Variants in VEGFC observed in about 807,000 individuals in gnomAD.
The protein encoded by VEGFC is vascular endothelial growth factor C.
A neutral mutation model predicts 46.1 loss-of-function variants in VEGFC; 12 were observed. The ratio of observed to expected loss-of-function variants is 0.26; its 90% CI spans 0.17 to 0.42. VEGFC has a LOEUF of 0.42. VEGFC is among the 10% of genes least tolerant of loss of function. The pLI is 1.00. For missense variants in VEGFC, 488 were observed against 529.4 expected (o/e 0.92, Z 0.77); for synonymous variants, 232 against 195.5 (o/e 1.19, Z -1.56).
chr4:176,700,553 A>G (rs1217981427), intron 4 of VEGFC, among the ~76,000 whole-genome samples: 1 of 152,234 alleles, frequency 6.6e-6, no homozygotes, highest in Non-Finnish European at 1.5e-5. Context: ...GTGGTCACCA[A>G]CTGGCTAAGT....
At chr4:176,704,308 T>C (rs1734485461) in intron 4 of VEGFC, among the ~76,000 whole-genome samples, 1 of 152,182 alleles carries the variant, frequency 6.6e-6, no homozygotes, top group South Asian at 2.1e-4. Flanking sequence ...GCTATATTTC[T>C]TTTGGTTGAG....
intron 1 of VEGFC, among the ~76,000 whole-genome samples, chr4:176,775,669 G>C (rs1735803110): frequency 6.6e-6 from 1 of 152,102 alleles, no homozygotes; most frequent in African/African-American, 2.4e-5. Context: ...ACAAATTCAG[G>C]CTTGCAAAAG....
chr4:176,691,658 A>G (rs35018558), intron 4 of VEGFC, among the ~76,000 whole-genome samples: 117 of 152,368 alleles, frequency 7.7e-4, no homozygotes, highest in Middle Eastern at 3.4e-3. Context: ...ACTAAAGAAC[A>G]ATGAATTTAA....
chr4:176,738,378 A>G (rs1735091300), intron 1 of VEGFC, among the ~76,000 whole-genome samples: 1 of 152,048 alleles, frequency 6.6e-6, no homozygotes, highest in African/African-American at 2.4e-5. Flanking sequence ...AACAGAACAG[A>G]GAACCCAGGA....
chr4:176,772,231 G>A (rs1027040597), intron 1 of VEGFC, among the ~76,000 whole-genome samples: 1 of 151,986 alleles, frequency 6.6e-6, no homozygotes, highest in Non-Finnish European at 1.5e-5. Flanking sequence ...CACTGAAATC[G>A]ACACTACTCA....
chr4:176,696,421 T>A, intron 4 of VEGFC, among the ~76,000 whole-genome samples: 1 of 145,468 alleles, frequency 6.9e-6, no homozygotes, highest in Non-Finnish European at 1.5e-5. Context: ...GGAATCCAAC[T>A]TACAAGGGAT....
intron 1 of VEGFC, among the ~76,000 whole-genome samples, chr4:176,764,979 G>A (rs1735594401): frequency 6.6e-6 from 1 of 152,124 alleles, no homozygotes; most frequent in Non-Finnish European, 1.5e-5. Context: ...AAGCTGAACT[G>A]GGAGGATCTC....
chr4:176,687,067 C>G, intron 6 of VEGFC, 120 bp downstream of exon 6: 1 of 1,119,322 alleles, frequency 8.9e-7, no homozygotes, highest in Non-Finnish European at 1.3e-6. Context: ...AGATTTTTGT[C>G]TTTCAGAATG....
At chr4:176,782,305 A>G (rs1735930030) in intron 1 of VEGFC, among the ~76,000 whole-genome samples, 1 of 152,092 alleles carries the variant, frequency 6.6e-6, no homozygotes, top group South Asian at 2.1e-4. Flanking sequence ...TCTACAAAAA[A>G]TTTTAAAAAA....
chr4:176,684,179 A>C (rs962195119), intron 6 of VEGFC, 139 bp from the exon 7 acceptor site: 1 of 668,420 alleles, frequency 1.5e-6, no homozygotes, highest in African/African-American at 1.8e-5. Context: ...CATAGGTTTA[A>C]AAAAGTTTGT....
intron 3 of VEGFC, 84 bp from the exon 4 acceptor site, chr4:176,711,734 G>C: frequency 7.1e-7 from 1 of 1,410,258 alleles, no homozygotes; most frequent in Non-Finnish European, 9.8e-7. Flanking sequence ...CCGAAAAAGA[G>C]TGAGATTAGC....
chr4:176,684,879 C>T (rs1451866627), intron 6 of VEGFC, among the ~76,000 whole-genome samples: 1 of 152,152 alleles, frequency 6.6e-6, no homozygotes, highest in Non-Finnish European at 1.5e-5. Context: ...GTATGTGTGG[C>T]CACGCCTGGC....
At chr4:176,689,899 T>C (rs912873631) in intron 4 of VEGFC, among the ~76,000 whole-genome samples, 50 of 152,356 alleles carry the variant, frequency 3.3e-4, no homozygotes, top group Admixed American at 5.9e-4. Flanking sequence ...TTTCTATGCT[T>C]TTCTACAGGC....
At chr4:176,712,208 G>C (rs1734631828) in intron 3 of VEGFC, among the ~76,000 whole-genome samples, 1 of 151,888 alleles carries the variant, frequency 6.6e-6, no homozygotes, top group South Asian at 2.1e-4. Flanking sequence ...CTTATAAATT[G>C]ATTATGTTTA....
intron 1 of VEGFC, among the ~76,000 whole-genome samples, chr4:176,774,194 G>C (rs1257155317): frequency 6.6e-6 from 1 of 151,844 alleles, no homozygotes; most frequent in Non-Finnish European, 1.5e-5. Flanking sequence ...GTCACTACTT[G>C]CAATTATTAA....
At chr4:176,723,282 C>A (rs1310511242) in intron 3 of VEGFC, among the ~76,000 whole-genome samples, 1 of 151,862 alleles carries the variant, frequency 6.6e-6, no homozygotes, top group Non-Finnish European at 1.5e-5. Context: ...AGATATGTTT[C>A]TTTTACAGAT....
At chr4:176,735,640 C>T (rs1735041425) in intron 1 of VEGFC, among the ~76,000 whole-genome samples, 1 of 151,768 alleles carries the variant, frequency 6.6e-6, no homozygotes, top group African/African-American at 2.4e-5. Flanking sequence ...TTGTGAAACA[C>T]AAAATGTAAG....
At chr4:176,707,334 T>C (rs746197901) in intron 4 of VEGFC, among the ~76,000 whole-genome samples, 1 of 152,218 alleles carries the variant, frequency 6.6e-6, no homozygotes, top group Non-Finnish European at 1.5e-5. Flanking sequence ...TTTTTGTCAG[T>C]GTTTTTAATT....
intron 1 of VEGFC, among the ~76,000 whole-genome samples, chr4:176,737,135 AAAT>A (rs1382618904): frequency 4.3e-4 from 65 of 150,594 alleles, no homozygotes; most frequent in African/African-American, 1.5e-3. Flanking sequence ...TCCTAACGTC[AAAT>A]GTAAACCAAC....
Sources: allele counts gnomAD v4.1 joint callset (sites outside exome capture counted in the v4.1 genomes callset), GRCh38; gene constraint gnomAD v4.1.1; transcripts MANE v1.5; gene names NCBI Gene and HGNC (gene_info 2026-07-23, HGNC 2026-07-21).